Variants in SLX9 observed in about 807,000 individuals in gnomAD.
The protein encoded by SLX9 is ribosome biogenesis protein SLX9 homolog.
Under a neutral mutation model 20.8 loss-of-function variants are expected in SLX9, and 19 were observed. The ratio of observed to expected loss-of-function variants is 0.91; its 90% confidence interval spans 0.64 to 1.34. The LOEUF (loss-of-function observed/expected upper bound fraction) is 1.34. Among genes scored for constraint, SLX9 ranks in the 40% most tolerant of loss-of-function variants. SLX9 has a pLI of 0.00. For synonymous variants in SLX9, 113 were observed against 137.1 expected (o/e 0.82, Z 1.23); for missense variants, 299 against 322.2 (o/e 0.93, Z 0.55).
chr21:44,956,518 G>A (rs897781982), intron 2 of SLX9, among the ~76,000 whole-genome samples: 3 of 152,178 alleles, frequency 2.0e-5, no homozygotes, highest in Admixed American at 6.5e-5. Context: ...CTGGTGACCT[G>A]GGTGGTGTTG....
At chr21:44,957,938 C>T (rs1190836878) in intron 2 of SLX9, among the ~76,000 whole-genome samples, 1 of 152,218 alleles carries the variant, frequency 6.6e-6, no homozygotes, top group Non-Finnish European at 1.5e-5. Context: ...GCAGACAGGG[C>T]ACAGAGGAAG....
chr21:44,939,948 G>T, upstream of SLX9: 1 of 1,207,834 alleles, frequency 8.3e-7, no homozygotes, highest in Non-Finnish European at 1.1e-6. Context: ...GGGTACTTCC[G>T]GCGGCCGCGG....
chr21:44,950,921 G>A (rs2066495414), intron 2 of SLX9, among the ~76,000 whole-genome samples: 2 of 152,188 alleles, frequency 1.3e-5, no homozygotes, highest in African/African-American at 4.8e-5. Flanking sequence ...CACAGAGACT[G>A]GCCCAGGCGG....
intron 1 of SLX9, among the ~76,000 whole-genome samples, chr21:44,940,779 T>A (rs1191851169): frequency 6.6e-6 from 1 of 152,106 alleles, no homozygotes; most frequent in African/African-American, 2.4e-5. Context: ...GTGTGTAGGT[T>A]AATGTTTTTC....
At chr21:44,952,863 C>T (rs1035912665) in intron 2 of SLX9, among the ~76,000 whole-genome samples, 1 of 152,258 alleles carries the variant, frequency 6.6e-6, no homozygotes, top group Non-Finnish European at 1.5e-5. Flanking sequence ...TGGCTGGCAG[C>T]ATCCTGCTGA....
intron 4 of SLX9, among the ~76,000 whole-genome samples, chr21:44,971,621 A>G (rs1394988052): frequency 1.3e-5 from 2 of 151,674 alleles, no homozygotes; most frequent in African/African-American, 4.9e-5. Context: ...ACCAGGAAGG[A>G]TGTCCTGGAC....
chr21:44,976,503 G>C (rs2085265508), intron 5 of SLX9, among the ~76,000 whole-genome samples, 177 bp from the exon 6 acceptor site: 1 of 152,196 alleles, frequency 6.6e-6, no homozygotes, highest in Admixed American at 6.5e-5. Context: ...ACGTGGCCAC[G>C]AGGAGGGCCC....
chr21:44,946,396 G>C (rs1449565626), intron 2 of SLX9, among the ~76,000 whole-genome samples: 1 of 150,256 alleles, frequency 6.7e-6, no homozygotes, highest in African/African-American at 2.5e-5. Context: ...CTTGTGTGCA[G>C]GTGTTTCCCA....
At chr21:44,941,366 T>A (rs911600217) in intron 1 of SLX9, among the ~76,000 whole-genome samples, 2 of 135,240 alleles carry the variant, frequency 1.5e-5, no homozygotes, top group Non-Finnish European at 3.0e-5. Flanking sequence ...ATCTGCTTGA[T>A]TACTTTGTTT....
intron 5 of SLX9, among the ~76,000 whole-genome samples, chr21:44,973,983 G>A (rs981887813): frequency 6.6e-6 from 1 of 152,182 alleles, no homozygotes. Context: ...TGGATGATAC[G>A]TTTGGTTCTG....
At chr21:44,950,704 G>A (rs1245973829) in intron 2 of SLX9, among the ~76,000 whole-genome samples, 1 of 152,260 alleles carries the variant, frequency 6.6e-6, no homozygotes, top group Non-Finnish European at 1.5e-5. Context: ...GTGCCATGCT[G>A]AGGCATTTGA....
intron 5 of SLX9, among the ~76,000 whole-genome samples, chr21:44,975,795 C>A (rs1485503659): frequency 6.6e-6 from 1 of 152,260 alleles, no homozygotes; most frequent in African/African-American, 2.4e-5. Context: ...ACCAGCAGAG[C>A]CCTGACCGCC....
At chr21:44,972,780 T>G (rs907907739) in intron 4 of SLX9, among the ~76,000 whole-genome samples, 1 of 152,150 alleles carries the variant, frequency 6.6e-6, no homozygotes, top group South Asian at 2.1e-4. Context: ...CAGGGTCCTT[T>G]GGCCCGAAGT....
In SLX9 at chr21:44,974,310, T is replaced by A. The variant is rs796953207; in HGVS notation, c.569+1045T>A. Among the ~76,000 whole-genome samples the A allele has an allele frequency of 3.3e-5, 5 of 151,588 alleles. No individual in the cohort carries two copies. In the South Asian group the frequency reaches 8.3e-4, roughly 25 times the overall value. ...AGAGTCTGAAGTCTGTTTTGTGAGT[T>A]CGATTATGCTTAGAAGCTGCTGTCT... On this transcript the variant is annotated intron_variant, in intron 5 of 5. Transcript: ENST00000291634.
chr21:44,957,382 A>G (rs2084877535), intron 2 of SLX9, among the ~76,000 whole-genome samples: 1 of 152,116 alleles, frequency 6.6e-6, no homozygotes, highest in African/African-American at 2.4e-5. Context: ...CGGTGCCTCT[A>G]TGCAGATCGC....
chr21:44,971,174 G>A (rs546436682), intron 4 of SLX9, among the ~76,000 whole-genome samples: 56 of 152,392 alleles, frequency 3.7e-4, no homozygotes, highest in African/African-American at 1.3e-3. Context: ...TGATTGTCGG[G>A]AGGGGAGTGG....
intron 5 of SLX9, among the ~76,000 whole-genome samples, chr21:44,976,470 G>A (rs966151864): frequency 3.9e-5 from 6 of 152,248 alleles, no homozygotes; most frequent in African/African-American, 1.4e-4. Context: ...CCCACAGTGG[G>A]CGCTGCCAGG....
chr21:44,955,162 C>G lies in SLX9; in HGVS notation c.284-4938C>G, dbSNP rs74648764. 1.8e-3 allele frequency among the ~76,000 whole-genome samples: 265 copies of G among 150,338 alleles called. 4 individuals carry two copies. The East Asian group carries it at 0.048, about 27-fold the overall frequency. On this transcript the variant is annotated intron_variant, in intron 2 of 5. Transcript: ENST00000291634. ...ACCCAGAAGGCAGAGATTGCAAGAT[C>G]GTGCCACTGCGCTCCAGCCTGGGCG...
At chr21:44,965,411 G>A (rs2085016931) in intron 3 of SLX9, among the ~76,000 whole-genome samples, 1 of 152,170 alleles carries the variant, frequency 6.6e-6, no homozygotes, top group South Asian at 2.1e-4. Flanking sequence ...TGTCGATATT[G>A]TGGTCATCTT....
Sources: allele counts gnomAD v4.1 joint callset (sites outside exome capture counted in the v4.1 genomes callset), GRCh38; gene constraint gnomAD v4.1.1; transcripts MANE v1.5; gene names NCBI Gene and HGNC (gene_info 2026-07-23, HGNC 2026-07-21).